The following ANO3 variants were observed in gnomAD, a reference collection of about 807,000 sequenced individuals.
The protein encoded by ANO3 is anoctamin-3.
Under a neutral mutation model 144.8 loss-of-function variants are expected in ANO3, and 99 were observed. The ratio of observed to expected loss-of-function variants is 0.68; its 90% CI spans 0.58 to 0.81. The LOEUF is 0.81. Among genes scored for constraint, ANO3 ranks in the 30% least tolerant of loss-of-function variants. The pLI is 0.00. For synonymous variants in ANO3, 414 were observed against 392.6 expected, an observed-to-expected ratio of 1.05 and a Z score of -0.64; for missense variants, 905 against 1,202.2, an observed-to-expected ratio of 0.75 and a Z score of 3.66.
intron 14 of ANO3, among the ~76,000 whole-genome samples, chr11:26,596,597 C>CCT (rs1851636867): frequency 6.6e-6 from 1 of 152,118 alleles, no homozygotes; most frequent in Non-Finnish European, 1.5e-5. Flanking sequence ...GTAGAGCTTC[C>CCT]TTAGATCCCT....
intron 1 of ANO3, among the ~76,000 whole-genome samples, chr11:26,210,399 G>A (rs1851907802): frequency 6.6e-6 from 1 of 152,156 alleles, no homozygotes; most frequent in Non-Finnish European, 1.5e-5. Context: ...TTGTAGTATA[G>A]TTTGAAGTCA....
intron 4 of ANO3, among the ~76,000 whole-genome samples, chr11:26,502,849 G>A (rs76786201): frequency 0.053 from 4,150 of 77,682 alleles, 111 homozygotes; most frequent in South Asian, 0.082. Flanking sequence ...AACATTCAGG[G>A]AAAAAAAAAA....
At chr11:26,600,540 TTC>T (rs1159834443) in intron 17 of ANO3, among the ~76,000 whole-genome samples, 1 of 99,112 alleles carries the variant, frequency 1.0e-5, no homozygotes, top group African/African-American at 4.0e-5. Context: ...CCTTCTCCTC[TTC>T]TCTCTCTCCC....
At chr11:26,239,308 A>T (rs12224620) in intron 1 of ANO3, among the ~76,000 whole-genome samples, 2,537 of 152,254 alleles carry the variant, frequency 0.017, 57 homozygotes, top group East Asian at 0.13. Context: ...CTAATTAGAG[A>T]TCTGCTTCAT....
At chr11:26,532,027 C>T (rs183145268) in intron 8 of ANO3, among the ~76,000 whole-genome samples, 15 of 152,140 alleles carry the variant, frequency 9.9e-5, no homozygotes, top group Non-Finnish European at 1.6e-4. Context: ...TAGGAAAAGG[C>T]GTGATGTATT....
chr11:26,360,750 T>A (rs1031898978), intron 1 of ANO3, among the ~76,000 whole-genome samples: 7 of 152,214 alleles, frequency 4.6e-5, no homozygotes, highest in Non-Finnish European at 8.8e-5. Flanking sequence ...TTTTCTTTGT[T>A]ACCTTATGTG....
chr11:26,476,938 A>T lies in ANO3; in HGVS notation c.432+13790A>T, dbSNP rs539069891. Among the ~76,000 whole-genome samples, 12 of 149,290 alleles carry T rather than the reference A, an allele frequency of 8.0e-5. No homozygotes were observed. In the South Asian group the frequency reaches 1.3e-3, roughly 16 times the overall value. The stretch of plus-strand genomic sequence containing the variant: ...GTGTGTGTGTGTGTGTGTGTGAGAG[A>T]GAGAGAGAGAGAGACTTTTAATACT... On this transcript the variant is annotated intron_variant, in intron 4 of 26. Coordinates refer to ENST00000256737, the MANE Select transcript of ANO3 (RefSeq NM_031418.4).
In ANO3 at chr11:26,508,237, C is replaced by A. The variant is rs149415582; in HGVS notation, c.566C>A (p.Ala189Glu). The A allele has an allele frequency of 1.3e-6, 2 of 1,596,094 alleles. No individual in the cohort carries two copies. Among genetic ancestry groups the A allele is most frequent in the African/African-American group, 1.4e-5 (1 of 73,750 alleles). ...AACACATTTGAAAAGAACCTCAGAG[C>A]AGAAGGCTTGATGTTGGAGAAGGAG... ...KRNTFEKNLRAEGLMLEKEPA... is the reference protein window; with the variant it reads ...KRNTFEKNLREEGLMLEKEPA... The change falls in exon 5 of 27, where the codon GCA (alanine) becomes GAA (glutamate). Residue 189 changes from alanine to glutamate, a missense_variant. Ala to Glu is a moderately radical substitution (Grantham distance 107). Coordinates refer to ENST00000256737, the MANE Select transcript of ANO3 (RefSeq NM_031418.4).
intron 1 of ANO3, among the ~76,000 whole-genome samples, chr11:26,364,958 G>A (rs553823889): frequency 6.6e-6 from 1 of 152,206 alleles, no homozygotes; most frequent in South Asian, 2.1e-4. Context: ...AAAGTCCCAA[G>A]TCCAAAGTCT....
intron 8 of ANO3, among the ~76,000 whole-genome samples, chr11:26,534,112 C>G (rs974816779): frequency 2.6e-5 from 4 of 152,122 alleles, no homozygotes; most frequent in African/African-American, 9.7e-5. Flanking sequence ...CATTGGAAAG[C>G]ATGGTATGGG....
chr11:26,357,234 A>G (rs1855806462), intron 1 of ANO3, among the ~76,000 whole-genome samples: 1 of 152,218 alleles, frequency 6.6e-6, no homozygotes, highest in Admixed American at 6.5e-5. Context: ...ATCTTGGTTA[A>G]ATACTTGGGC....
At chr11:26,300,691 G>A (rs1393914428) in intron 1 of ANO3, among the ~76,000 whole-genome samples, 1 of 151,994 alleles carries the variant, frequency 6.6e-6, no homozygotes, top group African/African-American at 2.4e-5. Flanking sequence ...AAAATTATAT[G>A]CTAATGTTTA....
intron 1 of ANO3, among the ~76,000 whole-genome samples, chr11:26,382,203 G>A (rs1437056661): frequency 6.6e-6 from 1 of 152,136 alleles, no homozygotes; most frequent in Non-Finnish European, 1.5e-5. Flanking sequence ...CATGAAACAT[G>A]TCAGTTAGGA....
chr11:26,299,824 G>C (rs1564955228), intron 1 of ANO3, among the ~76,000 whole-genome samples: 1 of 152,178 alleles, frequency 6.6e-6, no homozygotes, highest in Non-Finnish European at 1.5e-5. Flanking sequence ...TAGACTATCA[G>C]TCAGGAAGGC....
At chr11:26,245,767 T>C (rs930530971) in intron 1 of ANO3, among the ~76,000 whole-genome samples, 4 of 152,162 alleles carry the variant, frequency 2.6e-5, no homozygotes, top group African/African-American at 9.7e-5. Context: ...GGTACAGATG[T>C]TTATATACCC....
At chr11:26,194,439 G>GGTGTGTGTGTGTGTGTATGTGTGT (rs1472402266) in intron 1 of ANO3, among the ~76,000 whole-genome samples, 8 of 60,612 alleles carry the variant, frequency 1.3e-4, no homozygotes, top group South Asian at 5.9e-4. Context: ...GGTACATAGT[G>GGTGTGTGTGTGTGTGTATGTGTGT]GTGTGTGTGT....
chr11:26,201,766 T>TG lies in ANO3; in HGVS notation c.154+12436_154+12437insG, dbSNP rs1352320821. Among the ~76,000 whole-genome samples, 3 of 151,712 alleles carry TG rather than the reference T, an allele frequency of 2.0e-5. No individual in the cohort carries two copies. In the East Asian group the frequency reaches 5.8e-4, roughly 29 times the overall value. ...AAGTTATTTGAAGGAAGTTTTGTTT[T>TG]TTTTTTTTTTTAACATTCAAGCTAT... On this transcript the variant is annotated intron_variant, in intron 1 of 27. Coordinates refer to the ANO3 transcript ENST00000672621.
intron 1 of ANO3, among the ~76,000 whole-genome samples, chr11:26,407,545 CCA>C (rs1565007292): frequency 1.3e-5 from 2 of 151,758 alleles, no homozygotes; most frequent in Non-Finnish European, 2.9e-5. Context: ...ATAGCCACAG[CCA>C]CAGTTTCAGG....
At chr11:26,191,185 C>T (rs1038093999) in intron 1 of ANO3, among the ~76,000 whole-genome samples, 12 of 151,706 alleles carry the variant, frequency 7.9e-5, no homozygotes, top group African/African-American at 2.2e-4. Flanking sequence ...CTGAGACAGG[C>T]GAGAATTGCT....
Sources: gnomAD v4.1 joint callset for allele counts (sites outside exome capture counted in the v4.1 genomes callset) on GRCh38, gnomAD v4.1.1 for gene constraint, MANE v1.5 for transcripts, NCBI Gene and HGNC (gene_info 2026-07-23, HGNC 2026-07-21) for gene names.